Variants in GSE1 observed in about 807,000 individuals in gnomAD.
The protein encoded by GSE1 is Gse1 coiled-coil protein, also known as genetic suppressor element 1.
In GSE1, 32 loss-of-function variants were observed where a neutral mutation model predicts 112.6. The observed-to-expected ratio is 0.28, with a 90% confidence interval of 0.21 to 0.38. GSE1 has a LOEUF of 0.38. Ranked by LOEUF, GSE1 falls within the 10% of genes least tolerant of loss-of-function variation. The pLI is 1.00. For synonymous variants in GSE1, 1,115 were observed against 735.6 expected (o/e 1.52, Z -8.35); for missense variants, 2,348 against 1,699.2 (o/e 1.38, Z -6.71).
intron 1 of GSE1, among the ~76,000 whole-genome samples, chr16:85,245,359 G>C (rs1362570672): frequency 6.6e-6 from 1 of 152,202 alleles, no homozygotes; most frequent in Non-Finnish European, 1.5e-5. Context: ...TTTCTGCCGG[G>C]AGCATGGTGA....
chr16:85,262,529 C>A (rs13334892), intron 1 of GSE1, among the ~76,000 whole-genome samples: 3,514 of 152,316 alleles, frequency 0.023, 153 homozygotes, highest in African/African-American at 0.081. Flanking sequence ...AGCCCCACAT[C>A]GGTGATTTCT....
rs530343685 is a variant in GSE1, at chr16:85,513,974, C to T, written c.2465-119940C>T. Among the ~76,000 whole-genome samples the T allele has an allele frequency of 5.9e-5, 9 of 152,226 alleles. No homozygotes were observed. In the East Asian group the frequency reaches 1.7e-3, roughly 29 times the overall value. On this transcript the variant is annotated intron_variant, in intron 2 of 2. Coordinates refer to the GSE1 transcript ENST00000637419. ...GGTGGTACTGCTGCTATGTGGGATC[C>T]TCCTGTTGAGACCCCTCCACACTGG...
At chr16:85,276,343 G>C (rs955945628) in intron 1 of GSE1, among the ~76,000 whole-genome samples, 2 of 2,942 alleles carry the variant, frequency 6.8e-4, no homozygotes, top group Admixed American at 0.018. Flanking sequence ...CTTCAGGAAG[G>C]TGTGCCCCAG....
rs1194706668 is a variant in GSE1, at chr16:85,654,901, T to C, written c.707T>C (p.Leu236Pro). ...HTTDDLRMSSLPPLGLDPATA... is the reference protein window; with the variant it reads ...HTTDDLRMSSPPPLGLDPATA... ...ACCGACGACCTCCGCATGTCCTCAC[T>C]GCCTCCCCTCGGCCTGGACCCGGCC... Residue 236 changes from leucine to proline, a missense_variant, in exon 5 of 16, where the codon CTG (leucine) becomes CCG (proline). Leu to Pro is a moderately conservative substitution (Grantham distance 98). Coordinates refer to ENST00000253458, the MANE Select transcript of GSE1 (RefSeq NM_014615.5). The C allele has an allele frequency of 2.5e-6, 4 of 1,611,566 alleles. No homozygotes were observed. Among genetic ancestry groups the C allele is most frequent in the Non-Finnish European group, 3.4e-6 (4 of 1,179,530 alleles).
At chr16:85,194,940 GCTCA>G (rs2143488239) in intron 1 of GSE1, among the ~76,000 whole-genome samples, 1 of 152,234 alleles carries the variant, frequency 6.6e-6, no homozygotes, top group Non-Finnish European at 1.5e-5. Context: ...GGCAGTCATA[GCTCA>G]GCCAGGGCCG....
intron 2 of GSE1, among the ~76,000 whole-genome samples, chr16:85,471,653 A>G (rs551169483): frequency 1.3e-5 from 2 of 152,278 alleles, no homozygotes; most frequent in South Asian, 4.2e-4. Context: ...GGCTTAAGCA[A>G]TCTGCCCTAC....
At chr16:85,460,780 C>T (rs764199027) in intron 2 of GSE1, among the ~76,000 whole-genome samples, 2 of 140,496 alleles carry the variant, frequency 1.4e-5, no homozygotes, top group Non-Finnish European at 3.0e-5. Context: ...AAGAACGTCC[C>T]ATAACCAGGG....
chr16:85,190,894 C>T (rs1168959995), intron 1 of GSE1, among the ~76,000 whole-genome samples: 1 of 152,228 alleles, frequency 6.6e-6, no homozygotes, highest in Non-Finnish European at 1.5e-5. Context: ...CTTTCATCTC[C>T]AGGGTGGCCT....
intron 1 of GSE1, among the ~76,000 whole-genome samples, chr16:85,318,552 A>G (rs1191635989): frequency 6.6e-6 from 1 of 152,206 alleles, no homozygotes; most frequent in African/African-American, 2.4e-5. Flanking sequence ...AGCGTGAGCC[A>G]CTGTGCCCAG....
intron 1 of GSE1, among the ~76,000 whole-genome samples, chr16:85,235,872 A>C (rs879540378): frequency 9.9e-5 from 15 of 152,010 alleles, no homozygotes; most frequent in African/African-American, 3.6e-4. Context: ...CACATCTGGC[A>C]GCGGCGCCCG....
intron 2 of GSE1, among the ~76,000 whole-genome samples, chr16:85,537,552 G>T (rs1271274843): frequency 1.3e-5 from 2 of 152,210 alleles, no homozygotes; most frequent in African/African-American, 2.4e-5. Flanking sequence ...CTCCCATGGC[G>T]CAGGAACCCC....
At chr16:85,417,321 A>T (rs1045875717) in intron 2 of GSE1, among the ~76,000 whole-genome samples, 1 of 152,112 alleles carries the variant, frequency 6.6e-6, no homozygotes, top group Non-Finnish European at 1.5e-5. Flanking sequence ...ATATTGCCAG[A>T]TGTCCCCCTG....
At chr16:85,491,498 G>C (rs1286049168) in intron 2 of GSE1, among the ~76,000 whole-genome samples, 1 of 152,196 alleles carries the variant, frequency 6.6e-6, no homozygotes, top group African/African-American at 2.4e-5. Flanking sequence ...GATGACTTGG[G>C]GGGCCAGGGT....
At chr16:85,644,532 A>T (rs2050696646) in intron 2 of GSE1, among the ~76,000 whole-genome samples, 1 of 152,144 alleles carries the variant, frequency 6.6e-6, no homozygotes, top group African/African-American at 2.4e-5. Flanking sequence ...TGAACCGTGA[A>T]GACACGGCTC....
intron 1 of GSE1, among the ~76,000 whole-genome samples, chr16:85,183,623 T>G (rs901750160): frequency 6.6e-6 from 1 of 152,240 alleles, no homozygotes; most frequent in African/African-American, 2.4e-5. Context: ...TTTGCACTTG[T>G]CCTTCTCTGT....
intron 15 of GSE1, chr16:85,672,105 T>C: frequency 3.1e-6 from 1 of 323,976 alleles, no homozygotes. Flanking sequence ...TTCAAGCGAT[T>C]CTCCTGCCTC....
intron 1 of GSE1, among the ~76,000 whole-genome samples, chr16:85,273,498 A>G (rs1597253756): frequency 6.6e-6 from 1 of 152,186 alleles, no homozygotes; most frequent in Non-Finnish European, 1.5e-5. Context: ...GTGCAGATCC[A>G]TGGTGCAGCA....
chr16:85,451,124 C>A (rs11642598), intron 2 of GSE1, among the ~76,000 whole-genome samples: 2 of 147,914 alleles, frequency 1.4e-5, no homozygotes, highest in Non-Finnish European at 2.9e-5. Flanking sequence ...ATATAGCTTA[C>A]GCACAAGAGC....
chr16:85,332,243 A>AG (rs907121997), intron 1 of GSE1, among the ~76,000 whole-genome samples: 1 of 152,094 alleles, frequency 6.6e-6, no homozygotes, highest in Admixed American at 6.5e-5. Flanking sequence ...CGGCCATGAG[A>AG]GGGGGCTGCA....
Sources: gnomAD v4.1 joint callset for allele counts (sites outside exome capture counted in the v4.1 genomes callset) on GRCh38, gnomAD v4.1.1 for gene constraint, MANE v1.5 for transcripts, NCBI Gene and HGNC (gene_info 2026-07-23, HGNC 2026-07-21) for gene names.